KLB: variants seen among roughly 807,000 people sequenced by gnomAD.
KLB encodes the protein klotho beta.
In KLB, 44 loss-of-function variants were observed where a neutral mutation model predicts 88.4. That is an observed-to-expected ratio of 0.50 (90% CI 0.39 to 0.64). The LOEUF (loss-of-function observed/expected upper bound fraction) is 0.64, where lower values mean the gene tolerates loss of function less well. Ranked by LOEUF, KLB falls within the 30% of genes least tolerant of loss-of-function variation. The pLI is 0.00. For missense variants in KLB, 1,137 were observed against 1,304.8 expected (o/e 0.87, Z 1.98); for synonymous variants, 548 against 513.4 (o/e 1.07, Z -0.91).
At chr4:39,410,733 G>A (rs1742820408) in intron 1 of KLB, among the ~76,000 whole-genome samples, 1 of 152,158 alleles carries the variant, frequency 6.6e-6, no homozygotes, top group Non-Finnish European at 1.5e-5. Context: ...AACATTTATT[G>A]AGCTACACAA....
At chr4:39,425,400 C>A (rs183120398) in intron 1 of KLB, among the ~76,000 whole-genome samples, 37 of 152,246 alleles carry the variant, frequency 2.4e-4, no homozygotes, top group African/African-American at 8.7e-4. Flanking sequence ...AATTCTGAGA[C>A]AATACAAACT....
intron 1 of KLB, among the ~76,000 whole-genome samples, chr4:39,425,511 G>A (rs552598844): frequency 1.2e-4 from 18 of 152,248 alleles, no homozygotes; most frequent in South Asian, 2.1e-4. Context: ...CTCAAACACA[G>A]CTCACTACAG....
At chr4:39,431,091 AT>A (rs35397824) in intron 1 of KLB, among the ~76,000 whole-genome samples, 16,257 of 114,582 alleles carry the variant, frequency 0.14, 890 homozygotes, top group Middle Eastern at 0.19. Context: ...TAATTTTTGT[AT>A]TTTTTTTTTT....
chr4:39,422,288 T>C (rs772701385), intron 1 of KLB, among the ~76,000 whole-genome samples: 4 of 152,142 alleles, frequency 2.6e-5, no homozygotes, highest in Non-Finnish European at 4.4e-5. Context: ...GGCAGGTCAT[T>C]TATGTGGGAG....
Position 39,448,672 on chromosome 4 carries a change from A to G in KLB, c.3121A>G (p.Arg1041Gly). Residue 1041 changes from arginine (R) to glycine (G), a missense_variant, in exon 5 of 5, where the codon AGA becomes GGA. Arg to Gly is a moderately radical substitution (Grantham distance 125). Around this residue, in one of 4 missense-constraint regions of KLB, gnomAD observed 426 missense variants for 404.6 expected, o/e 1.05. Coordinates refer to ENST00000257408, the MANE Select transcript of KLB (RefSeq NM_175737.4). ...LQHIPLKKGK[R>G]VVS ...ACACATACCATTAAAGAAAGGCAAG[A>G]GAGTTGTTAGCTAAACTGATCTGTC... is the stretch of plus-strand genomic sequence containing the variant. The G allele has an allele frequency of 3.7e-6, 6 of 1,608,880 alleles. No individual in the cohort carries two copies. Among genetic ancestry groups the G allele is most frequent in the Non-Finnish European group, 5.1e-6 (6 of 1,179,476 alleles).
chr4:39,432,632 T>C (rs1320203008), intron 1 of KLB, among the ~76,000 whole-genome samples: 2 of 152,118 alleles, frequency 1.3e-5, no homozygotes, highest in Non-Finnish European at 2.9e-5. Context: ...TCCTGTGCCA[T>C]CTATCTCAGT....
At chr4:39,445,504 C>CTTTTTTTT (rs10634518) in intron 3 of KLB, among the ~76,000 whole-genome samples, 75 of 131,630 alleles carry the variant, frequency 5.7e-4, no homozygotes, top group East Asian at 1.1e-3. Flanking sequence ...CTTTTCTTTT[C>CTTTTTTTT]TTTTTTTTTT....
intron 1 of KLB, among the ~76,000 whole-genome samples, chr4:39,409,510 C>G (rs1219108353): frequency 6.7e-6 from 1 of 149,818 alleles, no homozygotes; most frequent in Non-Finnish European, 1.5e-5. Flanking sequence ...AGGCTGGTCT[C>G]CAACTCCTGA....
rs1286407366 is a variant in KLB, at chr4:39,437,729, A to G, written c.1339A>G (p.Ile447Val). 6.2e-7 allele frequency: 1 copy of G among 1,607,254 alleles called. No individual in the cohort carries two copies. Among genetic ancestry groups the G allele is most frequent in the South Asian group, 1.1e-5 (1 of 90,690 alleles). ...TCTGCTTTCTTTTCTCTGTGCAGCA[A>G]TAAGGTTAGATGAAATACGAGTGTT... ...KNFLSQVLQA[I>V]RLDEIRVFGY... Residue 447 changes from isoleucine to valine, a missense_variant and splice_region_variant, in exon 3 of 5, where the codon ATA becomes GTA. Around this residue, in one of 4 missense-constraint regions of KLB, gnomAD observed 597 missense variants for 765.2 expected, o/e 0.78. Transcript: ENST00000257408.
intron 1 of KLB, among the ~76,000 whole-genome samples, chr4:39,433,479 A>G (rs1036877196): frequency 2.6e-5 from 4 of 152,204 alleles, no homozygotes; most frequent in African/African-American, 7.2e-5. Context: ...GGTGGGCTCT[A>G]TTATTACTCA....
Position 39,449,924 on chromosome 4 carries a change from CAAAATAAAAAAAAATAATA to C in KLB, c.*1249_*1267del. 1 of 147,078 alleles carries C rather than the reference CAAAATAAAAAAAAATAATA, an allele frequency of 6.8e-6. No individual in the cohort carries two copies. Among genetic ancestry groups the C allele is most frequent in the South Asian group, 2.1e-4 (1 of 4,696 alleles). The allele number at this position is 147,078 out of a possible 1,614,324, so 9.1% of individuals were successfully genotyped here. A position where few individuals can be genotyped will look rare whatever the true frequency, so the allele number is the denominator to read the frequency against. On this transcript the variant is annotated 3_prime_UTR_variant, in exon 5 of 5. Transcript: ENST00000257408. ...TGGGGGACAGGGCAAGACTGTCTCT[CAAAATAAAAAAAAATAATA>C]AAAATAAAAATAAAAGTAATTTCCA... is the stretch of plus-strand genomic sequence containing the variant.
chr4:39,410,014 A>G (rs948724317), intron 1 of KLB, among the ~76,000 whole-genome samples: 1 of 152,188 alleles, frequency 6.6e-6, no homozygotes, highest in African/African-American at 2.4e-5. Context: ...TCACCTGACA[A>G]TCCCAGGCCA....
At chr4:39,440,904 C>G (rs1235024687) in intron 3 of KLB, among the ~76,000 whole-genome samples, 1 of 152,134 alleles carries the variant, frequency 6.6e-6, no homozygotes, top group East Asian at 1.9e-4. Flanking sequence ...GTCTTCCAGG[C>G]TGGAGTGCAG....
chr4:39,437,807 A>ACCAT lies in KLB; in HGVS notation c.1420_1423dup (p.Arg475HisfsTer11). 6.2e-7 allele frequency: 1 copy of ACCAT among 1,614,188 alleles called. No individual in the cohort carries two copies. Among genetic ancestry groups the ACCAT allele is most frequent in the Non-Finnish European group, 8.5e-7 (1 of 1,180,020 alleles). On this transcript the variant is annotated frameshift_variant, in exon 3 of 5. Coordinates refer to ENST00000257408, the MANE Select transcript of KLB (RefSeq NM_175737.4). LOFTEE classifies it high-confidence loss of function. ...TGGCTTTGAATGGCAGGATGCTTAC[A>ACCAT]CCATCCGCCGAGGATTATTTTATGT...
intron 1 of KLB, among the ~76,000 whole-genome samples, chr4:39,412,734 T>C (rs191784674): frequency 6.6e-6 from 1 of 152,324 alleles, no homozygotes; most frequent in East Asian, 1.9e-4. Flanking sequence ...TCTCCCCAGC[T>C]AGACTGAGAG....
chr4:39,440,046 G>A (rs763083007), intron 3 of KLB, among the ~76,000 whole-genome samples: 40 of 149,764 alleles, frequency 2.7e-4, no homozygotes, highest in Non-Finnish European at 4.5e-4. Context: ...TCAGGTGATC[G>A]ACCCGCCTCG....
chr4:39,442,595 A>G (rs1743635519), intron 3 of KLB, among the ~76,000 whole-genome samples: 1 of 151,888 alleles, frequency 6.6e-6, no homozygotes. Context: ...CACCATGCCC[A>G]GCTAATTTTT....
chr4:39,410,842 G>A (rs1031204075), intron 1 of KLB, among the ~76,000 whole-genome samples: 5 of 152,028 alleles, frequency 3.3e-5, no homozygotes, highest in Admixed American at 2.6e-4. Flanking sequence ...GGTCCTTTTC[G>A]TTCCAGAATG....
chr4:39,420,060 A>G (rs1323357753), intron 1 of KLB, among the ~76,000 whole-genome samples: 5 of 152,046 alleles, frequency 3.3e-5, no homozygotes, highest in African/African-American at 9.7e-5. Context: ...ATAGACCAGA[A>G]CCTTCTAATT....
Sources: allele counts gnomAD v4.1 joint callset (sites outside exome capture counted in the v4.1 genomes callset), GRCh38; gene constraint gnomAD v4.1.1; regional missense constraint gnomAD v4.1.1; transcripts MANE v1.5; gene names NCBI Gene and HGNC (gene_info 2026-07-23, HGNC 2026-07-21).